LRRTM4: variants seen among roughly 807,000 people sequenced by gnomAD.
LRRTM4 encodes leucine-rich repeat transmembrane neuronal protein 4.
LRRTM4 carries 25 observed loss-of-function variants against 47.6 expected under a neutral mutation model. The observed-to-expected ratio is 0.53, with a 90% CI of 0.38 to 0.73. LRRTM4 has a LOEUF of 0.73. LRRTM4 is among the 30% of genes least tolerant of loss of function. LRRTM4 has a pLI of 0.00. For missense variants in LRRTM4, 638 were observed against 713.4 expected (o/e 0.89, Z 1.20); for synonymous variants, 311 against 269.5 (o/e 1.15, Z -1.51).
chr2:77,183,254 T>C (rs1468260030), intron 3 of LRRTM4, among the ~76,000 whole-genome samples: 2 of 151,920 alleles, frequency 1.3e-5, no homozygotes, highest in African/African-American at 4.8e-5. Context: ...AACAACCCCA[T>C]CAAAACGTGG....
chr2:76,812,673 C>CTCTTTCTTTCTTTCTCTTTCTTTCTT (rs1670767852), intron 3 of LRRTM4, among the ~76,000 whole-genome samples: 1 of 147,818 alleles, frequency 6.8e-6, no homozygotes, highest in Non-Finnish European at 1.5e-5. Context: ...TACAAATAAG[C>CTCTTTCTTTCTTTCTCTTTCTTTCTT]TCTTTCTTTC....
At chr2:76,777,286 T>G (rs1250543887) in intron 3 of LRRTM4, among the ~76,000 whole-genome samples, 11 of 145,512 alleles carry the variant, frequency 7.6e-5, no homozygotes, top group African/African-American at 2.8e-4. Context: ...TTTTTTCCAA[T>G]TCTGTGAAGA....
chr2:77,001,799 T>C (rs746461515), intron 3 of LRRTM4, among the ~76,000 whole-genome samples: 2 of 152,190 alleles, frequency 1.3e-5, no homozygotes, highest in Admixed American at 6.6e-5. Flanking sequence ...CTAACTGCTT[T>C]AGTTCAACAC....
chr2:76,803,370 G>A (rs900537984), intron 3 of LRRTM4, among the ~76,000 whole-genome samples: 1 of 151,958 alleles, frequency 6.6e-6, no homozygotes, highest in Admixed American at 6.6e-5. Context: ...TGATCATCAG[G>A]GAAATGCAAA....
intron 3 of LRRTM4, among the ~76,000 whole-genome samples, chr2:77,510,543 A>G (rs1678944908): frequency 6.6e-6 from 1 of 152,088 alleles, no homozygotes; most frequent in Non-Finnish European, 1.5e-5. Flanking sequence ...TTCCAAAATA[A>G]AAGAACATTT....
chr2:76,830,391 C>T (rs1671312455), intron 3 of LRRTM4, among the ~76,000 whole-genome samples: 1 of 151,854 alleles, frequency 6.6e-6, no homozygotes, highest in Non-Finnish European at 1.5e-5. Flanking sequence ...AAACCTTTTT[C>T]ACCTTCTGAT....
At chr2:76,981,040 T>C (rs190849981) in intron 3 of LRRTM4, among the ~76,000 whole-genome samples, 8 of 152,244 alleles carry the variant, frequency 5.3e-5, no homozygotes, top group Admixed American at 5.2e-4. Context: ...AGTTATCAGA[T>C]GCTGCTTAAC....
At chr2:76,898,544 G>C (rs1253143471) in intron 3 of LRRTM4, among the ~76,000 whole-genome samples, 1 of 101,370 alleles carries the variant, frequency 9.9e-6, no homozygotes, top group Non-Finnish European at 1.8e-5. Context: ...CAAGAGCAAA[G>C]CTCCGTCTCA....
At chr2:77,423,730 T>C (rs1306325731) in intron 3 of LRRTM4, among the ~76,000 whole-genome samples, 6 of 152,176 alleles carry the variant, frequency 3.9e-5, no homozygotes, top group East Asian at 1.9e-4. Context: ...ACAGTCAGAA[T>C]TGTGTTGCAA....
chr2:76,784,857 C>G (rs377260948), intron 3 of LRRTM4, among the ~76,000 whole-genome samples: 12 of 151,986 alleles, frequency 7.9e-5, no homozygotes, highest in African/African-American at 2.9e-4. Context: ...ACTGTTCAGC[C>G]CAGCATGTAG....
chr2:76,839,540 A>G (rs1671612267), intron 3 of LRRTM4, among the ~76,000 whole-genome samples: 2 of 152,240 alleles, frequency 1.3e-5, no homozygotes, highest in South Asian at 4.1e-4. Context: ...CCTCAGTTGC[A>G]TATCAAGCCA....
intron 3 of LRRTM4, among the ~76,000 whole-genome samples, chr2:77,249,781 C>T (rs4468841): frequency 0.55 from 82,595 of 151,432 alleles, 22,827 homozygotes; most frequent in African/African-American, 0.6. Flanking sequence ...AGCTAACATA[C>T]TTTTACCATA....
intron 3 of LRRTM4, among the ~76,000 whole-genome samples, chr2:77,420,392 A>C (rs1046793291): frequency 6.6e-6 from 1 of 152,116 alleles, no homozygotes; most frequent in Non-Finnish European, 1.5e-5. Flanking sequence ...TCCAGCCCAC[A>C]CTCAAAAGTA....
intron 3 of LRRTM4, among the ~76,000 whole-genome samples, chr2:77,247,669 CTG>C (rs1200619300): frequency 2.0e-5 from 3 of 152,012 alleles, no homozygotes; most frequent in African/African-American, 7.2e-5. Context: ...CTGCCAACAT[CTG>C]TGATTGCTAA....
chr2:77,271,901 G>A (rs181007423), intron 3 of LRRTM4, among the ~76,000 whole-genome samples: 1 of 152,232 alleles, frequency 6.6e-6, no homozygotes, highest in East Asian at 1.9e-4. Context: ...ACAGGCACAG[G>A]TAGTTCAAAC....
chr2:76,929,991 G>C (rs937434053), intron 3 of LRRTM4, among the ~76,000 whole-genome samples: 1 of 151,690 alleles, frequency 6.6e-6, no homozygotes, highest in African/African-American at 2.4e-5. Context: ...TACTTTCTTA[G>C]AGTGAAATCC....
chr2:77,141,421 T>A (rs1672118051), intron 3 of LRRTM4, among the ~76,000 whole-genome samples: 1 of 129,438 alleles, frequency 7.7e-6, no homozygotes, highest in South Asian at 2.4e-4. Flanking sequence ...AATTGAACAA[T>A]GAGAACACTT....
intron 3 of LRRTM4, among the ~76,000 whole-genome samples, chr2:76,913,022 G>A (rs1040886481): frequency 1.3e-5 from 2 of 152,034 alleles, no homozygotes; most frequent in African/African-American, 4.8e-5. Flanking sequence ...CTGATATAGG[G>A]GTCCATTTTC....
At chr2:77,010,649 A>G (rs1677839171) in intron 3 of LRRTM4, among the ~76,000 whole-genome samples, 3 of 152,050 alleles carry the variant, frequency 2.0e-5, no homozygotes, top group Admixed American at 1.3e-4. Flanking sequence ...TCTCTTTGAC[A>G]TTCTGATTTC....
Sources: gnomAD v4.1 joint callset for allele counts (sites outside exome capture counted in the v4.1 genomes callset) on GRCh38, gnomAD v4.1.1 for gene constraint, MANE v1.5 for transcripts, NCBI Gene and HGNC (gene_info 2026-07-23, HGNC 2026-07-21) for gene names.